P3H2: variants seen among roughly 807,000 people sequenced by gnomAD.
P3H2 encodes the protein prolyl 3-hydroxylase 2.
Under a neutral mutation model 87.0 loss-of-function variants are expected in P3H2, and 80 were observed. That is an observed-to-expected ratio of 0.92 (90% CI 0.77 to 1.11). P3H2 has a LOEUF of 1.11. Ranked by LOEUF, P3H2 falls within the 50% of genes least tolerant of loss-of-function variation. The pLI is 0.00. For missense variants in P3H2, 1,001 were observed against 923.9 expected (o/e 1.08, Z -1.08); for synonymous variants, 367 against 359.3 (o/e 1.02, Z -0.24).
At chr3:190,102,291 A>T (rs1711658498) in intron 1 of P3H2, among the ~76,000 whole-genome samples, 1 of 152,228 alleles carries the variant, frequency 6.6e-6, no homozygotes, top group Non-Finnish European at 1.5e-5. Context: ...ATAGATAGTA[A>T]TTCCTCTGGT....
intron 1 of P3H2, among the ~76,000 whole-genome samples, chr3:190,082,623 A>G (rs1163393537): frequency 6.6e-6 from 1 of 152,184 alleles, no homozygotes; most frequent in Non-Finnish European, 1.5e-5. Context: ...ATTACTAACT[A>G]TAGTCTCCCT....
chr3:190,012,338 G>A (rs1724620333), intron 1 of P3H2, among the ~76,000 whole-genome samples: 1 of 151,906 alleles, frequency 6.6e-6, no homozygotes, highest in Non-Finnish European at 1.5e-5. Flanking sequence ...TTACCACACT[G>A]CAGCCAGAGT....
upstream of P3H2, among the ~76,000 whole-genome samples, chr3:190,122,026 A>G (rs1712624438): frequency 6.9e-6 from 1 of 144,790 alleles, no homozygotes; most frequent in Admixed American, 7.0e-5. Context: ...TGGGAGGTGA[A>G]GGTTGCAGTG....
chr3:190,086,481 C>T (rs1460245744), intron 1 of P3H2, among the ~76,000 whole-genome samples: 1 of 152,152 alleles, frequency 6.6e-6, no homozygotes, highest in Admixed American at 6.5e-5. Flanking sequence ...CCTTACCCTG[C>T]ATATAGCTGA....
chr3:189,983,364 T>C, intron 7 of P3H2: 1 of 550,696 alleles, frequency 1.8e-6, no homozygotes, highest in Non-Finnish European at 3.2e-6. Context: ...TTAGCAACCT[T>C]TATTACAATT....
chr3:190,120,618 G>GGGCTCC lies in P3H2; in HGVS notation c.108_113dup (p.Glu37_Pro38dup), dbSNP rs777512396. 1.3e-6 allele frequency: 2 copies of GGGCTCC among 1,537,860 alleles called. No individual in the cohort carries two copies. Among genetic ancestry groups the GGGCTCC allele is most frequent in the East Asian group, 2.5e-5 (1 of 40,152 alleles). On this transcript the variant is annotated inframe_insertion, in exon 1 of 15. Transcript: ENST00000319332. ...GCAGGTCGAAGGGCTGCAGAGGCCC[G>GGGCTCC]GGCTCCAGCTCCAGCTCCCGGCGTG... is the stretch of plus-strand genomic sequence containing the variant.
intron 1 of P3H2, among the ~76,000 whole-genome samples, chr3:189,996,991 A>T (rs563910456): frequency 1.4e-4 from 21 of 152,366 alleles, no homozygotes; most frequent in African/African-American, 3.6e-4. Flanking sequence ...ATATATTTTT[A>T]AAAAATGGAA....
intron 1 of P3H2, among the ~76,000 whole-genome samples, chr3:190,091,528 A>T (rs1183494277): frequency 1.3e-5 from 2 of 152,220 alleles, no homozygotes; most frequent in South Asian, 2.1e-4. Context: ...TTACATCTTA[A>T]TGTCTGTAAA....
intron 1 of P3H2, among the ~76,000 whole-genome samples, chr3:190,068,553 T>C (rs1484637612): frequency 2.0e-5 from 3 of 152,168 alleles, no homozygotes; most frequent in East Asian, 3.9e-4. Flanking sequence ...TTTAGTGATA[T>C]CAAAACTGAA....
At chr3:190,053,056 T>C (rs1726034210) in intron 1 of P3H2, among the ~76,000 whole-genome samples, 1 of 152,226 alleles carries the variant, frequency 6.6e-6, no homozygotes, top group African/African-American at 2.4e-5. Flanking sequence ...TAGGATTCAA[T>C]CATGTTGTGG....
chr3:189,958,224 G>A (rs1722699702), intron 14 of P3H2, among the ~76,000 whole-genome samples: 1 of 152,158 alleles, frequency 6.6e-6, no homozygotes, highest in South Asian at 2.1e-4. Context: ...TGCAAAGAAC[G>A]ACTGTATGTT....
chr3:190,110,617 G>C (rs903828455), intron 1 of P3H2, among the ~76,000 whole-genome samples: 1 of 152,162 alleles, frequency 6.6e-6, no homozygotes, highest in African/African-American at 2.4e-5. Context: ...GAAATAATTT[G>C]TATGGTCTAC....
chr3:190,091,374 C>A (rs710580), intron 1 of P3H2, among the ~76,000 whole-genome samples: 67,690 of 152,068 alleles, frequency 0.45, 17,156 homozygotes, highest in African/African-American at 0.7. Flanking sequence ...TTAACAGTAA[C>A]TTCTTTTAAT....
intron 1 of P3H2, among the ~76,000 whole-genome samples, chr3:190,058,974 T>C (rs555216670): frequency 6.6e-5 from 10 of 152,298 alleles, no homozygotes; most frequent in Admixed American, 2.0e-4. Flanking sequence ...GGCATTCTTA[T>C]TAGCTACCAA....
intron 1 of P3H2, among the ~76,000 whole-genome samples, chr3:190,116,931 T>G (rs566174940): frequency 1.3e-5 from 2 of 151,082 alleles, no homozygotes; most frequent in South Asian, 2.1e-4. Context: ...GCAAGGCTCA[T>G]GAAAGATGTA....
chr3:190,083,323 G>A (rs1293396486), intron 1 of P3H2, among the ~76,000 whole-genome samples: 1 of 152,160 alleles, frequency 6.6e-6, no homozygotes, highest in Non-Finnish European at 1.5e-5. Context: ...TAGAGAAGAA[G>A]TTGTGCCTTA....
At position 190,120,478 on chromosome 3, in the gene P3H2, G is replaced by T; in HGVS notation, c.254C>A (p.Ala85Asp). ...CGGGTGGCGCGCCGCGCAGTGGCGGGCACAGCGCGTGCGGATTTCCCGCAG... is the reference window on the plus strand; with the variant it reads ...CGGGTGGCGCGCCGCGCAGTGGCGGTCACAGCGCGTGCGGATTTCCCGCAG... The part of the protein sequence containing the change: ...RRLREIRTRC[A>D]RHCAARHPLP... The change falls in exon 1 of 15, where the codon GCC becomes GAC. Residue 85 changes from alanine (A) to aspartate (D), a missense_variant. Ala to Asp is a moderately radical substitution (Grantham distance 126). Transcript: ENST00000319332. The T allele has an allele frequency of 1.4e-6, 2 of 1,440,304 alleles. No homozygotes were observed. Among genetic ancestry groups the T allele is most frequent in the South Asian group, 2.9e-5 (2 of 69,086 alleles). 89.2% of individuals were successfully genotyped at this position (1,440,304 alleles called of 1,614,324 possible). A position where few individuals can be genotyped will look rare whatever the true frequency, so the allele number is the denominator to read the frequency against.
chr3:190,004,081 T>C (rs1016118413), intron 1 of P3H2, among the ~76,000 whole-genome samples: 2 of 152,234 alleles, frequency 1.3e-5, no homozygotes, highest in African/African-American at 2.4e-5. Context: ...TTTCTCTATG[T>C]GAGTACAGAA....
intron 1 of P3H2, among the ~76,000 whole-genome samples, chr3:190,061,325 AACAC>A (rs1214112050): frequency 1.3e-5 from 2 of 152,104 alleles, no homozygotes; most frequent in Non-Finnish European, 2.9e-5. Context: ...CAACCATTAA[AACAC>A]ACATTCCATT....
Sources: gnomAD v4.1 joint callset for allele counts (sites outside exome capture counted in the v4.1 genomes callset) on GRCh38, gnomAD v4.1.1 for gene constraint, MANE v1.5 for transcripts, NCBI Gene and HGNC (gene_info 2026-07-23, HGNC 2026-07-21) for gene names.